CSGALNACT1: variants seen among roughly 807,000 people sequenced by gnomAD.
CSGALNACT1 encodes chondroitin sulfate N-acetylgalactosaminyltransferase 1.
In CSGALNACT1, 52 loss-of-function variants were observed where a neutral mutation model predicts 51.0. That is an observed-to-expected ratio of 1.02 (90% CI 0.82 to 1.29). The LOEUF is 1.29. Ranked by LOEUF, CSGALNACT1 falls within the 50% of genes most tolerant of loss-of-function variation. The probability of loss-of-function intolerance (pLI) is 0.00; values close to 1 mark genes in which losing one functional copy is unlikely to be tolerated. For synonymous variants in CSGALNACT1, 341 were observed against 254.4 expected (o/e 1.34, Z -3.24); for missense variants, 935 against 679.2 (o/e 1.38, Z -4.19).
At chr8:19,518,592 C>T (rs1218809605) in intron 3 of CSGALNACT1, among the ~76,000 whole-genome samples, 1 of 152,204 alleles carries the variant, frequency 6.6e-6, no homozygotes, top group African/African-American at 2.4e-5. Context: ...CCTTTTTCTG[C>T]TCTGAGACTC....
chr8:19,570,966 A>T (rs1295853412), intron 3 of CSGALNACT1, among the ~76,000 whole-genome samples: 1 of 152,078 alleles, frequency 6.6e-6, no homozygotes, highest in African/African-American at 2.4e-5. Context: ...ACGTACAGAG[A>T]TGCCTCTGAT....
intron 1 of CSGALNACT1, among the ~76,000 whole-genome samples, chr8:19,725,741 C>T (rs1406139206): frequency 6.6e-6 from 1 of 152,100 alleles, no homozygotes; most frequent in African/African-American, 2.4e-5. Flanking sequence ...CCAAAGACTT[C>T]ACTTTTTTAG....
At chr8:19,424,866 G>A (rs1335872026) in intron 6 of CSGALNACT1, among the ~76,000 whole-genome samples, 1 of 152,210 alleles carries the variant, frequency 6.6e-6, no homozygotes, top group African/African-American at 2.4e-5. Context: ...TGAGGCTGCA[G>A]CCCCCAAATG....
chr8:19,730,922 C>T (rs923351370), intron 1 of CSGALNACT1, among the ~76,000 whole-genome samples: 1 of 152,216 alleles, frequency 6.6e-6, no homozygotes, highest in African/African-American at 2.4e-5. Flanking sequence ...CGTCCTCCTG[C>T]ATTCTTCATG....
intron 6 of CSGALNACT1, among the ~76,000 whole-genome samples, chr8:19,432,264 T>A (rs532626456): frequency 6.6e-6 from 1 of 152,310 alleles, no homozygotes; most frequent in East Asian, 1.9e-4. Flanking sequence ...TTTTTCTCAC[T>A]TTGAAAATGT....
At chr8:19,478,775 C>A (rs1220787408) in intron 4 of CSGALNACT1, among the ~76,000 whole-genome samples, 1 of 152,100 alleles carries the variant, frequency 6.6e-6, no homozygotes, top group African/African-American at 2.4e-5. Context: ...TTAATGTTGC[C>A]AAAGCCTAAT....
At chr8:19,679,521 A>G (rs1368926258) in intron 1 of CSGALNACT1, among the ~76,000 whole-genome samples, 3 of 152,196 alleles carry the variant, frequency 2.0e-5, no homozygotes, top group African/African-American at 7.2e-5. Context: ...ACCCATATAC[A>G]GATCAATCTC....
chr8:19,626,255 G>C (rs1012977198), intron 1 of CSGALNACT1, among the ~76,000 whole-genome samples: 9 of 152,104 alleles, frequency 5.9e-5, no homozygotes, highest in African/African-American at 2.2e-4. Context: ...ACAGAACCCA[G>C]AAATAGCTTT....
chr8:19,637,086 C>T (rs1403089508), intron 1 of CSGALNACT1, among the ~76,000 whole-genome samples: 1 of 151,992 alleles, frequency 6.6e-6, no homozygotes, highest in Non-Finnish European at 1.5e-5. Flanking sequence ...TGTAATCCCT[C>T]ACTTTACTAC....
intron 3 of CSGALNACT1, among the ~76,000 whole-genome samples, chr8:19,555,251 A>AAAAAG (rs1483333712): frequency 6.6e-6 from 1 of 152,164 alleles, no homozygotes; most frequent in Non-Finnish European, 1.5e-5. Context: ...AAAAATTAAA[A>AAAAAG]AAAAGAAAAG....
At chr8:19,623,802 G>C (rs767871220) in intron 1 of CSGALNACT1, among the ~76,000 whole-genome samples, 2 of 152,354 alleles carry the variant, frequency 1.3e-5, no homozygotes, top group Non-Finnish European at 2.9e-5. Flanking sequence ...CTCTAAGCCA[G>C]AATGGGCTTT....
intron 1 of CSGALNACT1, among the ~76,000 whole-genome samples, chr8:19,717,940 G>A (rs959690889): frequency 2.0e-5 from 3 of 152,044 alleles, no homozygotes; most frequent in Admixed American, 6.6e-5. Context: ...AGGCACCAAG[G>A]ATCCACAGGC....
Position 19,510,787 on chromosome 8 carries a change from G to A in CSGALNACT1, c.-296-4657C>T, listed in dbSNP as rs932156077. On this transcript the variant is annotated intron_variant, in intron 3 of 9. Coordinates refer to ENST00000454498, the Ensembl canonical transcript of CSGALNACT1. ...GTTATGTGTCATCAATATTTGTCAA[G>A]ATAAGATATCCAAGTAGTTACAGAT... Among the ~76,000 whole-genome samples, 4 of 152,172 alleles carry A rather than the reference G, an allele frequency of 2.6e-5. No homozygotes were observed. In the South Asian group the frequency reaches 6.2e-4, roughly 24 times the overall value.
chr8:19,674,455 C>A (rs2060021453), intron 1 of CSGALNACT1, among the ~76,000 whole-genome samples: 1 of 152,022 alleles, frequency 6.6e-6, no homozygotes, highest in Non-Finnish European at 1.5e-5. Flanking sequence ...AGGAAAAAGA[C>A]CCTGAGGCAG....
At position 19,481,362 on chromosome 8, in the gene CSGALNACT1, A is replaced by G. The variant is rs368884613; in HGVS notation, c.635-22720T>C. 2.2e-3 allele frequency among the ~76,000 whole-genome samples: 342 copies of G among 152,212 alleles called. 4 individuals are homozygous for G. The highest frequency in any genetic ancestry group is 7.9e-3 in the African/African-American group (328 of 41,504). ...ACGACGTCTCATTTTCCCAACTCAG[A>G]GTAGAAATTACATCTTATTCAAAAA... is the stretch of plus-strand genomic sequence containing the variant. On this transcript the variant is annotated intron_variant, in intron 4 of 9. Coordinates refer to ENST00000454498, the Ensembl canonical transcript of CSGALNACT1.
intron 1 of CSGALNACT1, among the ~76,000 whole-genome samples, chr8:19,667,517 G>C (rs755177022): frequency 1.4e-5 from 2 of 147,302 alleles, no homozygotes; most frequent in South Asian, 4.4e-4. Flanking sequence ...TTCTCACAAC[G>C]GTAAGAGAAC....
chr8:19,495,573 G>A (rs760249040), intron 4 of CSGALNACT1, among the ~76,000 whole-genome samples: 5 of 152,288 alleles, frequency 3.3e-5, no homozygotes, highest in Middle Eastern at 3.4e-3. Context: ...GAGGAGGCTG[G>A]AGAGGAGGGA....
intron 4 of CSGALNACT1, among the ~76,000 whole-genome samples, chr8:19,481,014 C>A (rs1313108272): frequency 6.6e-6 from 1 of 152,150 alleles, no homozygotes; most frequent in East Asian, 1.9e-4. Flanking sequence ...ATGAGGTCAT[C>A]TGCCCGTCCA....
chr8:19,519,540 T>C (rs1350160436), intron 3 of CSGALNACT1, among the ~76,000 whole-genome samples: 1 of 152,100 alleles, frequency 6.6e-6, no homozygotes, highest in Non-Finnish European at 1.5e-5. Context: ...CAGAGAACCC[T>C]GGAAATAGGA....
Sources: allele counts gnomAD v4.1 joint callset (sites outside exome capture counted in the v4.1 genomes callset), GRCh38; gene constraint gnomAD v4.1.1; transcripts MANE v1.5; gene names NCBI Gene and HGNC (gene_info 2026-07-23, HGNC 2026-07-21).